The following TPO variants were observed in gnomAD, a reference collection of about 807,000 sequenced individuals.
TPO encodes the protein thyroid microsomal antigen.
In TPO, 78 loss-of-function variants were observed where a neutral mutation model predicts 96.9. The ratio of observed to expected loss-of-function variants is 0.81; its 90% CI spans 0.67 to 0.97. The LOEUF (loss-of-function observed/expected upper bound fraction) is 0.97. Among genes scored for constraint, TPO ranks in the 50% least tolerant of loss-of-function variants. The pLI is 0.00. For synonymous variants in TPO, 547 were observed against 538.0 expected, an observed-to-expected ratio of 1.02 and a Z score of -0.23; for missense variants, 1,252 against 1,274.8, an observed-to-expected ratio of 0.98 and a Z score of 0.27.
rs76467001 is a variant in TPO at position 1,432,241 on chromosome 2, T to G, written c.180-1197T>G. ...TGGTGAACTTGATGTAGTCCTCCCTTGGGTCCTGGGGACTCAGTAATTCCA... is the reference window on the plus strand; with the variant it reads ...TGGTGAACTTGATGTAGTCCTCCCTGGGGTCCTGGGGACTCAGTAATTCCA... On this transcript the variant is annotated intron_variant, in intron 3 of 16. Coordinates refer to ENST00000329066, the MANE Select transcript of TPO (RefSeq NM_001206744.2). Among the ~76,000 whole-genome samples the G allele has an allele frequency of 3.6e-3, 552 of 152,362 alleles. 5 individuals are homozygous for G. The highest frequency in any genetic ancestry group is 0.013 in the African/African-American group (531 of 41,588).
At chr2:1,396,093 C>T (rs1421024998) in intron 1 of TPO, among the ~76,000 whole-genome samples, 1 of 152,226 alleles carries the variant, frequency 6.6e-6, no homozygotes, top group Non-Finnish European at 1.5e-5. Context: ...CTGCTGGAAG[C>T]TCACGTGGGA....
Position 1,533,316 on chromosome 2 carries a change from G to A in TPO, c.2619-7278G>A, listed in dbSNP as rs547469193. Among the ~76,000 whole-genome samples, 284 of 47,430 alleles carry A rather than the reference G, an allele frequency of 6.0e-3. 1 individual carries two copies. Among genetic ancestry groups the A allele is most frequent in the Middle Eastern group, 0.026 (1 of 38 alleles). 31.1% of individuals were successfully genotyped at this position (47,430 alleles called of 152,430 possible). A position where few individuals can be genotyped will look rare whatever the true frequency, so the allele number is the denominator to read the frequency against. On this transcript the variant is annotated intron_variant, in intron 15 of 16. Transcript: ENST00000329066. ...TCTCCCCAAATCCCCCCCACTCTGC[G>A]CAACCTCCTCAAATCCCCCCACTGT...
chr2:1,377,679 C>T (rs977072110), intron 1 of TPO, among the ~76,000 whole-genome samples: 8 of 152,182 alleles, frequency 5.3e-5, no homozygotes, highest in African/African-American at 1.7e-4. Context: ...GTTCTCCTGG[C>T]CCTGGGTGAG....
intron 3 of TPO, among the ~76,000 whole-genome samples, chr2:1,431,144 G>C (rs956272594): frequency 2.0e-5 from 3 of 151,986 alleles, no homozygotes; most frequent in African/African-American, 7.3e-5. Context: ...CTGGTGAGAG[G>C]CGATTGGATC....
chr2:1,484,656 G>A lies in TPO; in HGVS notation c.1399G>A (p.Val467Met), dbSNP rs373267637. The A allele has an allele frequency of 4.3e-5, 69 of 1,614,132 alleles. No homozygotes were observed. The highest frequency in any genetic ancestry group is 4.2e-4 in the South Asian group (38 of 91,078). The change falls in exon 9 of 17, where the codon GTG becomes ATG. Residue 467 changes from valine to methionine, a missense_variant. Physicochemically the swap from Val to Met is conservative, Grantham distance 21. Coordinates refer to ENST00000329066, the MANE Select transcript of TPO (RefSeq NM_001206744.2). ...GGGACCCGAGGCCTTCCAGCAGTAC[G>A]TGGGTCCCTATGAAGGCTATGACTC... ...ILGPEAFQQY[V>M]GPYEGYDSTA...
chr2:1,505,669 T>C (rs1326276393), intron 14 of TPO, among the ~76,000 whole-genome samples: 2 of 151,942 alleles, frequency 1.3e-5, no homozygotes, highest in African/African-American at 2.4e-5. Flanking sequence ...GTTTGTTACA[T>C]AGGTATACGT....
chr2:1,495,478 C>T lies in TPO; in HGVS notation c.2007-511C>T, dbSNP rs373755754. On this transcript the variant is annotated intron_variant, in intron 11 of 16. Coordinates refer to ENST00000329066, the MANE Select transcript of TPO (RefSeq NM_001206744.2). Reference sequence around the variant, plus strand: ...GAAGGTAGAGAGACTGTGCAGGGCACGTTGACTTCAGAATAGGAGCACCCT... The same window carrying T: ...GAAGGTAGAGAGACTGTGCAGGGCATGTTGACTTCAGAATAGGAGCACCCT... 4.6e-5 allele frequency among the ~76,000 whole-genome samples: 7 copies of T among 152,312 alleles called. No individual in the cohort carries two copies. In the East Asian group the frequency reaches 5.8e-4, roughly 13 times the overall value.
intron 15 of TPO, among the ~76,000 whole-genome samples, chr2:1,525,017 CGCCAAAT>C (rs1356928883): frequency 8.7e-6 from 1 of 115,344 alleles, no homozygotes; most frequent in African/African-American, 3.3e-5. Context: ...TGAGCAACCT[CGCCAAAT>C]CCCCCAACTC....
chr2:1,476,891 C>T (rs1669991908), intron 7 of TPO, among the ~76,000 whole-genome samples, 195 bp from the exon 8 acceptor site: 1 of 151,208 alleles, frequency 6.6e-6, no homozygotes, highest in South Asian at 2.1e-4. Flanking sequence ...CCCCTGCAGC[C>T]TCTTCCAGGC....
intron 13 of TPO, among the ~76,000 whole-genome samples, chr2:1,498,933 T>C (rs1284713808): frequency 2.0e-5 from 3 of 152,146 alleles, no homozygotes; most frequent in Non-Finnish European, 4.4e-5. Context: ...AGTTAAGGAA[T>C]TGATGGCAGG....
At chr2:1,462,400 T>C (rs1397429462) in intron 7 of TPO, among the ~76,000 whole-genome samples, 1 of 152,112 alleles carries the variant, frequency 6.6e-6, no homozygotes, top group African/African-American at 2.4e-5. Flanking sequence ...GGAATTGTTA[T>C]CTTCATTCTA....
At chr2:1,516,250 T>C (rs905913615) in intron 14 of TPO, among the ~76,000 whole-genome samples, 2 of 152,178 alleles carry the variant, frequency 1.3e-5, no homozygotes, top group African/African-American at 4.8e-5. Context: ...TGCACTTCTC[T>C]GTCTGATTCC....
intron 11 of TPO, among the ~76,000 whole-genome samples, chr2:1,495,479 G>A (rs925244231): frequency 1.5e-4 from 23 of 152,236 alleles, no homozygotes; most frequent in African/African-American, 5.3e-4. Flanking sequence ...TGCAGGGCAC[G>A]TTGACTTCAG....
In TPO at chr2:1,496,645, T is replaced by A. The variant is rs770731462; in HGVS notation, c.2266T>A (p.Cys756Ser). 1.1e-5 allele frequency: 17 copies of A among 1,613,778 alleles called. No homozygotes were observed. The highest frequency in any genetic ancestry group is 1.4e-5 in the Non-Finnish European group (17 of 1,179,996). ...ESVENGDFVH[C>S]EESGRRVLVY... ...CGTGGAGAATGGGGACTTTGTGCAC[T>A]GTGAGGAGTCTGGGAGGCGCGTGCT... Residue 756 changes from cysteine (C) to serine (S), a missense_variant, in exon 13 of 17, where the codon TGT becomes AGT. Cys to Ser is a moderately radical substitution (Grantham distance 112). Transcript: ENST00000329066.
At chr2:1,495,422 T>C (rs3755554) in intron 11 of TPO, among the ~76,000 whole-genome samples, 79,076 of 152,130 alleles carry the variant, frequency 0.52, 21,345 homozygotes, top group African/African-American at 0.67. Flanking sequence ...TTGCAATTTT[T>C]CTGATTAATC....
At chr2:1,495,963 C>T in intron 11 of TPO, 26 bp from the exon 12 acceptor site, 2 of 1,607,610 alleles carry the variant, frequency 1.2e-6, no homozygotes, top group Non-Finnish European at 1.7e-6. Flanking sequence ...GCACTGTGAC[C>T]TTACTCACTG....
chr2:1,517,080 C>T, intron 15 of TPO, 98 bp downstream of exon 15: 1 of 1,260,506 alleles, frequency 7.9e-7, no homozygotes, highest in Non-Finnish European at 1.1e-6. Context: ...CCGAAGCTAA[C>T]ACAGGTTACT....
At chr2:1,398,160 C>T (rs1662114233) in intron 1 of TPO, among the ~76,000 whole-genome samples, 1 of 152,202 alleles carries the variant, frequency 6.6e-6, no homozygotes, top group Admixed American at 6.5e-5. Flanking sequence ...AGGGACAGGA[C>T]TGTGGCCAGG....
chr2:1,397,950 G>A (rs1183144441), intron 1 of TPO, among the ~76,000 whole-genome samples: 1 of 152,150 alleles, frequency 6.6e-6, no homozygotes, highest in African/African-American at 2.4e-5. Context: ...TTCCAAATAT[G>A]CACCTTGTGC....
Sources: gnomAD v4.1 joint callset for allele counts (sites outside exome capture counted in the v4.1 genomes callset) on GRCh38, gnomAD v4.1.1 for gene constraint, MANE v1.5 for transcripts, NCBI Gene and HGNC (gene_info 2026-07-23, HGNC 2026-07-21) for gene names.